Variants in SNRPN observed in about 807,000 individuals in gnomAD.
The protein encoded by SNRPN is small nuclear ribonucleoprotein-associated protein N.
In SNRPN, 7 loss-of-function variants were observed where a neutral mutation model predicts 25.2. The observed-to-expected ratio is 0.28, with a 90% CI of 0.16 to 0.52. The LOEUF (loss-of-function observed/expected upper bound fraction) is 0.52, where lower values mean the gene tolerates loss of function less well. Ranked by LOEUF, SNRPN falls within the 20% of genes least tolerant of loss-of-function variation. The pLI, the probability that SNRPN is intolerant of heterozygous loss-of-function variation, is 0.96. For synonymous variants in SNRPN, 124 were observed against 110.6 expected (o/e 1.12, Z -0.76); for missense variants, 196 against 322.5 (o/e 0.61, Z 3.00).
At chr15:24,912,463 G>A (rs1210476352) in intron 2 of SNRPN, 1 of 152,146 alleles carries the variant, frequency 6.6e-6, no homozygotes, top group Non-Finnish European at 1.5e-5. Flanking sequence ...ACTTACACTT[G>A]AAAGTTGATG....
At chr15:24,846,728 A>G (rs935791518) in intron 2 of SNRPN, among the ~76,000 whole-genome samples, 6 of 152,232 alleles carry the variant, frequency 3.9e-5, no homozygotes, top group South Asian at 2.1e-4. Context: ...CAATTTCAGT[A>G]CACTGAAGGA....
chr15:24,836,802 A>C (rs1376113279), intron 2 of SNRPN, among the ~76,000 whole-genome samples: 1 of 152,140 alleles, frequency 6.6e-6, no homozygotes, highest in Non-Finnish European at 1.5e-5. Context: ...ATTTTTATGG[A>C]CAGTCATTTA....
chr15:24,823,900 A>G (rs2049902564), intron 1 of SNRPN: 1 of 152,140 alleles, frequency 6.6e-6, no homozygotes, highest in Admixed American at 6.5e-5. Flanking sequence ...CTTTCTTTTA[A>G]TCACATAAAC....
At chr15:24,865,114 G>A (rs12902529) in intron 1 of SNRPN, among the ~76,000 whole-genome samples, 36,060 of 147,536 alleles carry the variant, frequency 0.24, 4,622 homozygotes, top group South Asian at 0.37. Context: ...TGGTACCATC[G>A]TGGCTCACTG....
At chr15:24,943,349 A>G in intron 3 of SNRPN, among the ~76,000 whole-genome samples, 1 of 152,188 alleles carries the variant, frequency 6.6e-6, no homozygotes, top group Non-Finnish European at 1.5e-5. Flanking sequence ...CATGTTTTGT[A>G]GAACCATCTG....
intron 3 of SNRPN, among the ~76,000 whole-genome samples, chr15:24,925,521 C>A (rs2060318817): frequency 6.6e-6 from 1 of 152,132 alleles, no homozygotes; most frequent in African/African-American, 2.4e-5. Context: ...AGTTCCTCTG[C>A]TCTCATTTCT....
intron 1 of SNRPN, among the ~76,000 whole-genome samples, chr15:24,873,523 C>G (rs1595598682): frequency 6.7e-6 from 1 of 149,352 alleles, no homozygotes. Context: ...TCTTGGCTCA[C>G]TGCAAGCTCC....
rs2076952302 is a variant in SNRPN, at chr15:24,975,414, C to A, written c.60C>A (p.Ile20=). ...ACATTGACTATAGAATGAGATGTAT[C>A]CTGCAAGATGGCCGAATCTTCATTG... ...LQHIDYRMRC[I]LQDGRIFIGT... is the part of the protein sequence containing the mutation. The change falls in exon 5 of 10, where the codon ATC becomes ATA. Residue 20 remains isoleucine, a synonymous_variant. Transcript: ENST00000390687. 6.2e-7 allele frequency: 1 copy of A among 1,612,640 alleles called. No homozygotes were observed. Among genetic ancestry groups the A allele is most frequent in the African/African-American group, 1.3e-5 (1 of 74,886 alleles).
intron 3 of SNRPN, among the ~76,000 whole-genome samples, chr15:24,945,876 C>T (rs2061852723): frequency 6.6e-6 from 1 of 152,144 alleles, no homozygotes; most frequent in African/African-American, 2.4e-5. Context: ...TGTCCCTTGC[C>T]TGCTTTCCTG....
At chr15:24,837,413 G>C (rs998710486) in intron 2 of SNRPN, among the ~76,000 whole-genome samples, 8 of 151,386 alleles carry the variant, frequency 5.3e-5, no homozygotes, top group Non-Finnish European at 1.2e-4. Context: ...TGTAGCCCAG[G>C]CTGGAGTGCA....
chr15:24,848,124 C>A (rs1244369357), intron 2 of SNRPN, among the ~76,000 whole-genome samples: 1 of 151,730 alleles, frequency 6.6e-6, no homozygotes, highest in Non-Finnish European at 1.5e-5. Context: ...GGTCCTCCAA[C>A]CTCACAGGGC....
intron 3 of SNRPN, among the ~76,000 whole-genome samples, chr15:24,936,259 A>G (rs2061230846): frequency 6.6e-6 from 1 of 152,166 alleles, no homozygotes; most frequent in African/African-American, 2.4e-5. Flanking sequence ...TTGTGGTGAG[A>G]ATTAGAGAAA....
At chr15:24,966,022 T>C (rs538488382) in intron 2 of SNRPN, among the ~76,000 whole-genome samples, 1 of 152,300 alleles carries the variant, frequency 6.6e-6, no homozygotes, top group African/African-American at 2.4e-5. Flanking sequence ...AAGTAGACTA[T>C]GAATTAGAGT....
At chr15:24,954,533 G>A (rs1254791823), upstream of SNRPN, among the ~76,000 whole-genome samples, 2 of 152,070 alleles carry the variant, frequency 1.3e-5, no homozygotes, top group Non-Finnish European at 2.9e-5. Context: ...TTAGAGTTAG[G>A]GATATTTTCT....
upstream of SNRPN, among the ~76,000 whole-genome samples, chr15:24,951,079 C>T (rs191788695): frequency 5.4e-4 from 82 of 152,140 alleles, 1 homozygote; most frequent in African/African-American, 1.7e-3. Flanking sequence ...AGGCTGATCA[C>T]GAACCTCCTG....
chr15:24,969,419 G>A (rs1488330798), intron 3 of SNRPN, among the ~76,000 whole-genome samples: 6 of 152,030 alleles, frequency 3.9e-5, no homozygotes, highest in Non-Finnish European at 8.8e-5. Context: ...GTGACCTACC[G>A]CGCCCGGCCC....
At chr15:24,957,912 T>C (rs1447086140) in intron 1 of SNRPN, among the ~76,000 whole-genome samples, 1 of 152,130 alleles carries the variant, frequency 6.6e-6, no homozygotes, top group Non-Finnish European at 1.5e-5. Flanking sequence ...CTCTTGAAGT[T>C]TCAAGGTCTG....
At chr15:24,871,737 C>T (rs973502181) in intron 1 of SNRPN, among the ~76,000 whole-genome samples, 17 of 150,878 alleles carry the variant, frequency 1.1e-4, no homozygotes, top group Non-Finnish European at 1.8e-4. Flanking sequence ...CAAAGTCTCG[C>T]TCTGTTGCCC....
chr15:24,912,538 C>T (rs1251301792), intron 2 of SNRPN: 3 of 152,018 alleles, frequency 2.0e-5, no homozygotes, highest in Admixed American at 6.6e-5. Context: ...TGGGTGAGAA[C>T]GACATGAATT....
Sources: gnomAD v4.1 joint callset for allele counts (sites outside exome capture counted in the v4.1 genomes callset) on GRCh38, gnomAD v4.1.1 for gene constraint, MANE v1.5 for transcripts, NCBI Gene and HGNC (gene_info 2026-07-23, HGNC 2026-07-21) for gene names.